Variants in WDPCP observed in about 807,000 individuals in gnomAD.
The protein encoded by WDPCP is WD repeat containing planar cell polarity effector.
WDPCP carries 71 observed loss-of-function variants against 93.1 expected under a neutral mutation model. The observed-to-expected ratio is 0.76, with a 90% CI of 0.63 to 0.93. The LOEUF (loss-of-function observed/expected upper bound fraction) is 0.93. Among genes scored for constraint, WDPCP ranks in the 40% least tolerant of loss-of-function variants. WDPCP has a pLI of 0.00. For synonymous variants in WDPCP, 315 were observed against 315.0 expected (o/e 1.00, Z 0.00); for missense variants, 844 against 887.4 (o/e 0.95, Z 0.62).
At chr2:63,532,380 A>G (rs993592540) in intron 1 of WDPCP, among the ~76,000 whole-genome samples, 1 of 152,174 alleles carries the variant, frequency 6.6e-6, no homozygotes, top group Admixed American at 6.6e-5. Context: ...GATACTCCTC[A>G]AGAAGAGCAA....
At chr2:63,430,018 CA>C (rs1219900615) in intron 9 of WDPCP, among the ~76,000 whole-genome samples, 14 of 137,446 alleles carry the variant, frequency 1.0e-4, no homozygotes, top group African/African-American at 3.7e-4. Flanking sequence ...CACACACACA[CA>C]CACACCATGA....
intron 6 of WDPCP, among the ~76,000 whole-genome samples, chr2:63,481,134 A>G (rs779340360): frequency 2.0e-5 from 3 of 152,204 alleles, no homozygotes; most frequent in Admixed American, 6.6e-5. Flanking sequence ...AAACACATGG[A>G]AAAACGCTCA....
chr2:63,227,370 A>ATGAT (rs1191271842), intron 14 of WDPCP, among the ~76,000 whole-genome samples: 1 of 152,152 alleles, frequency 6.6e-6, no homozygotes, highest in East Asian at 1.9e-4. Context: ...CAGTGATTGT[A>ATGAT]TGATACAGGG....
chr2:63,608,845 G>A (rs1257774933), intron 3 of WDPCP, among the ~76,000 whole-genome samples: 2 of 152,062 alleles, frequency 1.3e-5, no homozygotes, highest in African/African-American at 4.8e-5. Flanking sequence ...ATCATTTTAT[G>A]ATGTAGAAAA....
At chr2:63,309,341 C>T (rs1685996668) in intron 13 of WDPCP, among the ~76,000 whole-genome samples, 1 of 152,088 alleles carries the variant, frequency 6.6e-6, no homozygotes, top group Admixed American at 6.6e-5. Context: ...TACCTAATAC[C>T]GTATCATCAA....
intron 12 of WDPCP, among the ~76,000 whole-genome samples, chr2:63,313,598 C>T (rs1056773900): frequency 2.0e-5 from 3 of 151,972 alleles, no homozygotes; most frequent in Non-Finnish European, 4.4e-5. Context: ...TACGTTGCCT[C>T]TTCTTGTTAG....
At chr2:63,510,919 T>A (rs898287904) in intron 1 of WDPCP, among the ~76,000 whole-genome samples, 1 of 152,088 alleles carries the variant, frequency 6.6e-6, no homozygotes, top group Non-Finnish European at 1.5e-5. Flanking sequence ...GAGGTTACAG[T>A]GAGCTGAGAT....
At chr2:63,219,424 A>G (rs1325681066) in intron 14 of WDPCP, among the ~76,000 whole-genome samples, 1 of 152,212 alleles carries the variant, frequency 6.6e-6, no homozygotes, top group African/African-American at 2.4e-5. Flanking sequence ...TTTGTGCCCA[A>G]AGGCTTTTAA....
intron 2 of WDPCP, among the ~76,000 whole-genome samples, chr2:63,651,433 A>G (rs1710108005): frequency 6.8e-6 from 1 of 147,528 alleles, no homozygotes; most frequent in African/African-American, 2.5e-5. Flanking sequence ...GAGAAACAAA[A>G]TCTATTTTAT....
In WDPCP at chr2:63,350,975, A is replaced by ATTT. The variant is rs1275587125; in HGVS notation, c.1748+27408_1748+27410dup. 6.9e-4 allele frequency among the ~76,000 whole-genome samples: 46 copies of ATTT among 66,290 alleles called. No homozygotes were observed. In the South Asian group the frequency reaches 7.4e-3, roughly 11 times the overall value. The allele number at this position is 66,290 out of a possible 152,430, so 43.5% of individuals were successfully genotyped here. A position where few individuals can be genotyped will look rare whatever the true frequency, so the allele number is the denominator to read the frequency against. On this transcript the variant is annotated intron_variant, in intron 12 of 17. Coordinates refer to ENST00000272321, the MANE Select transcript of WDPCP (RefSeq NM_015910.7). ...CTAATTTTATTAAATATCAACATTT[A>ATTT]TTTATTATTATTATTATTATTATTG...
chr2:63,127,347 T>C (rs1227370648), intron 17 of WDPCP, among the ~76,000 whole-genome samples: 6 of 151,646 alleles, frequency 4.0e-5, no homozygotes, highest in East Asian at 1.9e-4. Context: ...ATGGTCTTGA[T>C]CTCCTGACCT....
chr2:63,791,757 C>A (rs1310253068), intron 2 of WDPCP, among the ~76,000 whole-genome samples: 1 of 152,116 alleles, frequency 6.6e-6, no homozygotes, highest in African/African-American at 2.4e-5. Context: ...AGATTTGGAA[C>A]CTAACAGACG....
intron 6 of WDPCP, among the ~76,000 whole-genome samples, chr2:63,455,707 G>C (rs1173712662): frequency 2.0e-5 from 3 of 152,114 alleles, no homozygotes; most frequent in African/African-American, 7.2e-5. Context: ...TCTAATGAAA[G>C]AGACAGACTC....
chr2:63,231,732 TATC>T (rs1168170555), intron 14 of WDPCP, among the ~76,000 whole-genome samples: 1 of 152,110 alleles, frequency 6.6e-6, no homozygotes, highest in Admixed American at 6.6e-5. Flanking sequence ...GAAGAATCAA[TATC>T]ATGAAAATGG....
chr2:63,725,193 C>T (rs1669480159), intron 2 of WDPCP, among the ~76,000 whole-genome samples: 3 of 152,100 alleles, frequency 2.0e-5, no homozygotes, highest in African/African-American at 7.2e-5. Flanking sequence ...GATGTTCAGC[C>T]TCCTCCCACC....
intron 2 of WDPCP, among the ~76,000 whole-genome samples, chr2:63,715,296 C>T (rs965513837): frequency 6.6e-6 from 1 of 152,090 alleles, no homozygotes; most frequent in African/African-American, 2.4e-5. Context: ...AATTTTGCCC[C>T]AATAAAATAA....
chr2:63,683,046 T>C (rs996076543), intron 2 of WDPCP, among the ~76,000 whole-genome samples: 4 of 152,170 alleles, frequency 2.6e-5, no homozygotes. Context: ...GATTATAAGA[T>C]AGTATTTGCA....
At chr2:63,158,857 C>A (rs1055999396) in intron 15 of WDPCP, among the ~76,000 whole-genome samples, 1 of 151,322 alleles carries the variant, frequency 6.6e-6, no homozygotes, top group Non-Finnish European at 1.5e-5. Context: ...TTTGTGGGGG[C>A]CAGGCATGGT....
In WDPCP at chr2:63,259,247, A is replaced by G. The variant is rs1179075764; in HGVS notation, c.1915+60T>C. 1.4e-5 allele frequency: 19 copies of G among 1,386,046 alleles called. 1 individual carries two copies. The South Asian group carries it at 2.2e-4, about 16-fold the overall frequency. The allele number at this position is 1,386,046 out of a possible 1,614,324, so 85.9% of individuals were successfully genotyped here. On this transcript the variant is annotated intron_variant, in intron 14 of 17. Transcript: ENST00000272321. ...CCATCCATGTCCTCCAAACATAAAT[A>G]GAAATGATACTAACTATTGATTAAA...
Sources: allele counts gnomAD v4.1 joint callset (sites outside exome capture counted in the v4.1 genomes callset), GRCh38; gene constraint gnomAD v4.1.1; transcripts MANE v1.5; gene names NCBI Gene and HGNC (gene_info 2026-07-23, HGNC 2026-07-21).